Variants in SGSH observed in about 807,000 individuals in gnomAD.
SGSH encodes the protein heparan sulfate sulfatase.
A neutral mutation model predicts 51.0 loss-of-function variants in SGSH; 48 were observed. That is an observed-to-expected ratio of 0.94 (90% CI 0.75 to 1.20). The LOEUF is 1.20. SGSH is among the 50% of genes most tolerant of loss of function. The pLI, the probability that SGSH is intolerant of heterozygous loss-of-function variation, is 0.00. For synonymous variants in SGSH, 321 were observed against 313.4 expected (o/e 1.02, Z -0.26); for missense variants, 662 against 717.8 (o/e 0.92, Z 0.89).
Position 80,210,722 on chromosome 17 carries a change from G to A in SGSH, c.1239C>T (p.Asn413=). Residue 413 remains asparagine, a synonymous_variant, in exon 8 of 8, where the codon AAC becomes AAT. Coordinates refer to ENST00000326317, the MANE Select transcript of SGSH (RefSeq NM_000199.5). ...CCGTGGGCTGACCAGCTGTGGTGCG[G>A]TTCAGGAGGTCCTGGAAGGTGGGTG... ...YVSPTFQDLL[N]RTTAGQPTGW... 1 of 1,614,098 alleles carries A rather than the reference G, an allele frequency of 6.2e-7. No homozygotes were observed. Among genetic ancestry groups the A allele is most frequent in the Non-Finnish European group, 8.5e-7 (1 of 1,180,036 alleles).
rs1312597739 is a variant in SGSH, at chr17:80,210,812, G to A, written c.1149C>T (p.His383=). ...AGTTGAGGTTGTGCACGAGGCGGAA[G>A]TGCCGGTGCTGCACGGAGCGCATGG... ...SYPMRSVQHR[H]FRLVHNLNFK... is the part of the protein sequence containing the mutation. The change falls in exon 8 of 8, where the codon CAC becomes CAT. Residue 383 remains histidine, a synonymous_variant. Transcript: ENST00000326317. The A allele has an allele frequency of 1.9e-6, 3 of 1,614,080 alleles. No homozygotes were observed. The African/African-American group carries it at 4.0e-5, about 22-fold the overall frequency.
downstream of SGSH, chr17:80,205,362 G>T (rs2041240724): frequency 1.7e-6 from 2 of 1,159,920 alleles, no homozygotes; most frequent in Admixed American, 2.2e-5. Context: ...CAGGATGGAG[G>T]TGCAGGGCAC....
chr17:80,208,794 G>A (rs57058990), downstream of SGSH: 6,557 of 154,692 alleles, frequency 0.042, 491 homozygotes, highest in African/African-American at 0.15. Context: ...CGGGTGGGGC[G>A]CCTGGGTGGT....
chr17:80,202,489 C>T (rs1243661627), downstream of SGSH: 81 of 1,563,012 alleles, frequency 5.2e-5, no homozygotes, highest in Non-Finnish European at 5.8e-5. Context: ...CAGCCTGCCT[C>T]GGCTTCCTCC....
chr17:80,203,681 A>G (rs1361917797), downstream of SGSH: 3 of 612,536 alleles, frequency 4.9e-6, no homozygotes, highest in Non-Finnish European at 8.7e-6. The surrounding 1 kb of genome is among the most constrained non-coding windows in gnomAD (Gnocchi z 4.6). Flanking sequence ...TCCAGCCTGC[A>G]GCAAAGGGAT....
At chr17:80,204,966 C>G (rs2041202688), downstream of SGSH, 2 of 1,361,082 alleles carry the variant, frequency 1.5e-6, no homozygotes, top group Non-Finnish European at 2.0e-6. Context: ...CCCAGTCCCT[C>G]CCGGGGCAGG....
At chr17:80,206,905 T>C, downstream of SGSH, 1 of 1,226,910 alleles carries the variant, frequency 8.2e-7, no homozygotes, top group East Asian at 2.5e-5. Flanking sequence ...GACCTGGGCG[T>C]TGGCTCCCTT....
chr17:80,201,770 G>A (rs761289925), downstream of SGSH: 2 of 1,614,082 alleles, frequency 1.2e-6, no homozygotes, highest in South Asian at 2.2e-5. This position sits in a 1 kb window ranked among gnomAD's most constrained non-coding sequence, Gnocchi z 5.0. Flanking sequence ...CAGAGCCCTT[G>A]TTCAAGGCAG....
At chr17:80,202,149 C>T, downstream of SGSH, 1 of 1,573,270 alleles carries the variant, frequency 6.4e-7, no homozygotes, top group African/African-American at 1.3e-5. Flanking sequence ...GTATCTGTGG[C>T]TCATCTGTGG....
At chr17:80,218,155 T>TCTGGG (rs1390392304) in intron 1 of SGSH, among the ~76,000 whole-genome samples, 1 of 152,224 alleles carries the variant, frequency 6.6e-6, no homozygotes, top group Non-Finnish European at 1.5e-5. Context: ...GCTGGGCAAT[T>TCTGGG]CTGGGCTCAG....
downstream of SGSH, chr17:80,201,988 C>A: frequency 2.9e-6 from 4 of 1,393,990 alleles, no homozygotes; most frequent in South Asian, 1.4e-5. The surrounding 1 kb of genome is among the most constrained non-coding windows in gnomAD (Gnocchi z 5.0). Flanking sequence ...AAGAGAGGAT[C>A]AGCCAGGCTG....
downstream of SGSH, chr17:80,201,897 A>G (rs1446450473): frequency 6.3e-7 from 1 of 1,589,558 alleles, no homozygotes; most frequent in Non-Finnish European, 8.6e-7. This position sits in a 1 kb window ranked among gnomAD's most constrained non-coding sequence, Gnocchi z 5.0. Context: ...TCTCGTGTGC[A>G]CAGCTGCCTG....
chr17:80,205,357 T>C (rs944493644), downstream of SGSH: 3 of 1,157,432 alleles, frequency 2.6e-6, no homozygotes, highest in African/African-American at 3.1e-5. Context: ...TAGTTCAGGA[T>C]GGAGGTGCAG....
downstream of SGSH, chr17:80,205,466 C>T: frequency 6.4e-7 from 1 of 1,550,704 alleles, no homozygotes; most frequent in Non-Finnish European, 8.7e-7. Context: ...GGGGTGTTTA[C>T]CATGGGACTC....
chr17:80,209,224 G>T (rs1457480961), downstream of SGSH: 5 of 783,678 alleles, frequency 6.4e-6, no homozygotes, highest in African/African-American at 7.5e-5. Context: ...TTTGACAGCA[G>T]TGTCCAAGAA....
At chr17:80,208,600 C>A, downstream of SGSH, 1 of 423,436 alleles carries the variant, frequency 2.4e-6, no homozygotes, top group South Asian at 6.2e-5. Context: ...ACTGGAAACC[C>A]TGAGAATGTT....
downstream of SGSH, chr17:80,205,017 G>C (rs752390972): frequency 1.9e-6 from 3 of 1,545,320 alleles, no homozygotes; most frequent in South Asian, 3.6e-5. Flanking sequence ...CCCACCCTCA[G>C]GATCCTCTCC....
At position 80,209,558 on chromosome 17, in the gene SGSH, G is replaced by A; in HGVS notation, c.*894C>T. 2.1e-6 allele frequency: 2 copies of A among 965,584 alleles called. No homozygotes were observed. Among genetic ancestry groups the A allele is most frequent in the Non-Finnish European group, 1.2e-6 (1 of 811,502 alleles). 59.8% of individuals were successfully genotyped at this position (965,584 alleles called of 1,614,324 possible). A position where few individuals can be genotyped will look rare whatever the true frequency, so the allele number is the denominator to read the frequency against. On this transcript the variant is annotated 3_prime_UTR_variant, in exon 8 of 8. Coordinates refer to ENST00000326317, the MANE Select transcript of SGSH (RefSeq NM_000199.5). ...AGAATTAACCCAAGCCAGAGGACGG[G>A]CATCGCCACCCAGCAACGCCAGTGT...
At chr17:80,203,565 CT>C (rs2041107125), downstream of SGSH, 4 of 451,454 alleles carry the variant, frequency 8.9e-6, no homozygotes, top group Non-Finnish European at 1.6e-5. The surrounding 1 kb of genome is among the most constrained non-coding windows in gnomAD (Gnocchi z 4.6). Context: ...ACAGCACCCC[CT>C]GGGTCCCGCC....
Sources: allele counts gnomAD v4.1 joint callset (sites outside exome capture counted in the v4.1 genomes callset), GRCh38; gene constraint gnomAD v4.1.1; non-coding constraint Gnocchi (gnomAD v3.1); transcripts MANE v1.5; gene names NCBI Gene and HGNC (gene_info 2026-07-23, HGNC 2026-07-21).